NLGN1: variants seen among roughly 807,000 people sequenced by gnomAD.
NLGN1 encodes the protein neuroligin 1.
In NLGN1, 12 loss-of-function variants were observed where a neutral mutation model predicts 65.5. The observed-to-expected ratio is 0.18, with a 90% CI of 0.12 to 0.30. The LOEUF is 0.30. NLGN1 is among the 10% of genes least tolerant of loss of function. NLGN1 has a pLI of 1.00. For missense variants in NLGN1, 750 were observed against 1,007.1 expected (o/e 0.74, Z 3.46); for synonymous variants, 350 against 359.5 (o/e 0.97, Z 0.30).
intron 2 of NLGN1, among the ~76,000 whole-genome samples, chr3:173,540,560 T>C (rs1304435566): frequency 6.6e-6 from 1 of 152,184 alleles, no homozygotes; most frequent in Non-Finnish European, 1.5e-5. Flanking sequence ...ACACATGTCA[T>C]TTTCAGTAAC....
chr3:173,988,735 T>A (rs995092878), intron 4 of NLGN1, among the ~76,000 whole-genome samples: 3 of 152,170 alleles, frequency 2.0e-5, no homozygotes, highest in African/African-American at 4.8e-5. Context: ...GCTATTTTTT[T>A]AATCTCCAAA....
At chr3:173,719,076 A>G (rs2149992354) in intron 3 of NLGN1, among the ~76,000 whole-genome samples, 1 of 152,286 alleles carries the variant, frequency 6.6e-6, no homozygotes, top group East Asian at 1.9e-4. Context: ...GTTCAGCCAT[A>G]TTGATCCATT....
At chr3:174,086,314 T>TATATATATATTTATGTATGTGCATAA (rs1561008338) in intron 4 of NLGN1, among the ~76,000 whole-genome samples, 7 of 4,058 alleles carry the variant, frequency 1.7e-3, no homozygotes, top group East Asian at 6.6e-3. Context: ...TGTGCATAAA[T>TATATATATATTTATGTATGTGCATAA]ATATATATAT....
chr3:173,502,623 C>G (rs758642055), intron 2 of NLGN1, among the ~76,000 whole-genome samples: 1 of 152,158 alleles, frequency 6.6e-6, no homozygotes, highest in South Asian at 2.1e-4. Flanking sequence ...TTTATACTGA[C>G]AAGTATATGT....
intron 4 of NLGN1, among the ~76,000 whole-genome samples, chr3:173,824,135 A>G (rs1345403039): frequency 6.6e-6 from 1 of 152,100 alleles, no homozygotes; most frequent in East Asian, 1.9e-4. Flanking sequence ...ATTGTTAATC[A>G]CAGTATATTT....
At chr3:173,855,006 G>C (rs1388086428) in intron 4 of NLGN1, among the ~76,000 whole-genome samples, 1 of 151,970 alleles carries the variant, frequency 6.6e-6, no homozygotes, top group East Asian at 1.9e-4. Flanking sequence ...TGTCTCTCCT[G>C]GTCTTTTATA....
At chr3:174,014,531 A>G (rs1487178946) in intron 4 of NLGN1, among the ~76,000 whole-genome samples, 3 of 152,216 alleles carry the variant, frequency 2.0e-5, no homozygotes, top group Admixed American at 6.5e-5. Context: ...ACATTCTTCT[A>G]TTAAATGCTT....
chr3:173,545,038 T>TG (rs1739536812), intron 2 of NLGN1, among the ~76,000 whole-genome samples: 1 of 150,432 alleles, frequency 6.6e-6, no homozygotes, highest in African/African-American at 2.4e-5. Flanking sequence ...CTGCAAAGTT[T>TG]TGTGTGTGTG....
At chr3:174,270,125 C>CTTTT (rs10547985) in intron 4 of NLGN1, among the ~76,000 whole-genome samples, 14 of 120,060 alleles carry the variant, frequency 1.2e-4, no homozygotes, top group African/African-American at 3.1e-4. Context: ...GGTTTCCTTT[C>CTTTT]TTTTTTTTTT....
chr3:173,718,621 T>C (rs1286344834), intron 3 of NLGN1, among the ~76,000 whole-genome samples: 2 of 152,192 alleles, frequency 1.3e-5, no homozygotes, highest in Non-Finnish European at 2.9e-5. Context: ...AATCTATGAC[T>C]GACTAAAAAA....
chr3:173,620,077 T>C (rs1458488278), intron 3 of NLGN1, among the ~76,000 whole-genome samples: 2 of 152,062 alleles, frequency 1.3e-5, no homozygotes, highest in African/African-American at 4.8e-5. Flanking sequence ...AGGATGTCAT[T>C]GAGGGATTTA....
chr3:173,938,386 C>A (rs929791019), intron 4 of NLGN1, among the ~76,000 whole-genome samples: 1 of 151,924 alleles, frequency 6.6e-6, no homozygotes, highest in South Asian at 2.1e-4. Flanking sequence ...AGTACTGAAG[C>A]ATTTATTTGC....
At chr3:173,604,338 C>T (rs1248006230) in exon 3 of NLGN1, 3 of 444,214 alleles carry the variant, frequency 6.8e-6, no homozygotes, top group Non-Finnish European at 1.2e-5. Context: ...AGTCAATGCC[C>T]ACTCTTGCCA....
chr3:173,419,005 A>T (rs1577360943), intron 1 of NLGN1, among the ~76,000 whole-genome samples: 6 of 18,148 alleles, frequency 3.3e-4, no homozygotes, highest in South Asian at 1.7e-3. Context: ...TCTGTTCTTT[A>T]GCTTTCTTCT....
intron 3 of NLGN1, among the ~76,000 whole-genome samples, chr3:173,730,658 A>G (rs1366100223): frequency 6.6e-6 from 1 of 152,108 alleles, no homozygotes; most frequent in African/African-American, 2.4e-5. Context: ...TCTTTTCCAT[A>G]TGAAATGAGA....
At chr3:173,537,631 G>T (rs952724017) in intron 2 of NLGN1, among the ~76,000 whole-genome samples, 2 of 152,120 alleles carry the variant, frequency 1.3e-5, no homozygotes, top group Admixed American at 1.3e-4. Flanking sequence ...CTTCTACTAT[G>T]CATTCTGTAT....
chr3:173,539,739 T>TATGTACATATGCACATATATAACATATAC (rs1738359917), intron 2 of NLGN1, among the ~76,000 whole-genome samples: 1 of 128,738 alleles, frequency 7.8e-6, no homozygotes, highest in Admixed American at 7.9e-5. Flanking sequence ...TATATACATA[T>TATGTACATATGCACATATATAACATATAC]ATGTACATAT....
intron 1 of NLGN1, among the ~76,000 whole-genome samples, chr3:173,426,003 A>G (rs149257610): frequency 1.3e-5 from 2 of 152,054 alleles, no homozygotes; most frequent in African/African-American, 4.8e-5. Context: ...TTTTAATTTC[A>G]TTCTTCAGTA....
At chr3:173,888,658 A>G (rs1025587125) in intron 4 of NLGN1, among the ~76,000 whole-genome samples, 3 of 152,134 alleles carry the variant, frequency 2.0e-5, no homozygotes, top group African/African-American at 7.2e-5. Context: ...TAAACTTATG[A>G]CATTTTATTA....
Sources: gnomAD v4.1 joint callset for allele counts (sites outside exome capture counted in the v4.1 genomes callset) on GRCh38, gnomAD v4.1.1 for gene constraint, MANE v1.5 for transcripts, NCBI Gene and HGNC (gene_info 2026-07-23, HGNC 2026-07-21) for gene names.